The following ERGIC1 variants were observed in gnomAD, a reference collection of about 807,000 sequenced individuals.
ERGIC1 encodes the protein endoplasmic reticulum-golgi intermediate compartment 1.
ERGIC1 carries 19 observed loss-of-function variants against 38.3 expected under a neutral mutation model. The observed-to-expected ratio is 0.50, with a 90% confidence interval of 0.35 to 0.73. The LOEUF is 0.73. Among genes scored for constraint, ERGIC1 ranks in the 30% least tolerant of loss-of-function variants. The pLI, the probability that ERGIC1 is intolerant of heterozygous loss-of-function variation, is 0.01. For synonymous variants in ERGIC1, 124 were observed against 157.6 expected (o/e 0.79, Z 1.60); for missense variants, 294 against 389.2 (o/e 0.76, Z 2.06).
At chr5:172,925,434 C>T (rs180982267) in intron 6 of ERGIC1, among the ~76,000 whole-genome samples, 13 of 152,196 alleles carry the variant, frequency 8.5e-5, no homozygotes, top group Admixed American at 7.9e-4. Context: ...TGAGAAATTG[C>T]AGTTCCTTCC....
chr5:172,878,807 C>T (rs796380086), intron 1 of ERGIC1, among the ~76,000 whole-genome samples: 8 of 152,248 alleles, frequency 5.3e-5, no homozygotes, highest in African/African-American at 1.9e-4. Flanking sequence ...CACACATACA[C>T]GCATGCACAC....
At position 172,909,666 on chromosome 5, in the gene ERGIC1, G is replaced by A; in HGVS notation, c.156-1G>A. The A allele has an allele frequency of 6.2e-7, 1 of 1,614,126 alleles. No individual in the cohort carries two copies. On this transcript the variant is annotated splice_acceptor_variant, in intron 3 of 9. Coordinates refer to ENST00000393784, the MANE Select transcript of ERGIC1 (RefSeq NM_001031711.3). LOFTEE classifies it high-confidence loss of function. ...GGTTCCTATACTTGTCTTTCCCCTA[G>A]TGTGAACGAGCTCTATGTCGATGAC...
chr5:172,903,294 A>G (rs1382296941), intron 3 of ERGIC1, among the ~76,000 whole-genome samples: 1 of 151,866 alleles, frequency 6.6e-6, no homozygotes, highest in African/African-American at 2.4e-5. Flanking sequence ...ACCCCTAAGC[A>G]CCCCTGTACC....
intron 1 of ERGIC1, among the ~76,000 whole-genome samples, chr5:172,883,605 G>A (rs997666102): frequency 4.6e-5 from 7 of 152,172 alleles, no homozygotes; most frequent in Non-Finnish European, 5.9e-5. Context: ...GTGGTGCTGT[G>A]CCCTCCTCAG....
intron 6 of ERGIC1, among the ~76,000 whole-genome samples, chr5:172,925,677 C>T (rs1318261043): frequency 1.3e-5 from 2 of 152,282 alleles, no homozygotes; most frequent in East Asian, 1.9e-4. Flanking sequence ...CATACTTAAG[C>T]CTTTGTACAT....
chr5:172,844,973 T>A (rs1761249038), intron 1 of ERGIC1, among the ~76,000 whole-genome samples: 1 of 152,148 alleles, frequency 6.6e-6, no homozygotes, highest in Non-Finnish European at 1.5e-5. Context: ...TTGGATTCCC[T>A]CAGTGCATCC....
intron 3 of ERGIC1, among the ~76,000 whole-genome samples, chr5:172,902,285 C>T (rs541496067): frequency 6.6e-6 from 1 of 152,204 alleles, no homozygotes; most frequent in East Asian, 1.9e-4. Flanking sequence ...ACAGGCTCCC[C>T]GTAGGAGGCC....
intron 1 of ERGIC1, among the ~76,000 whole-genome samples, chr5:172,839,117 T>C (rs940876955): frequency 6.6e-6 from 1 of 151,552 alleles, no homozygotes; most frequent in Admixed American, 6.6e-5. Flanking sequence ...GGTACATACC[T>C]GTAATCCCAG....
chr5:172,872,332 T>C (rs1423498953), intron 1 of ERGIC1, among the ~76,000 whole-genome samples: 1 of 152,212 alleles, frequency 6.6e-6, no homozygotes, highest in Non-Finnish European at 1.5e-5. Flanking sequence ...ATACCTTGAA[T>C]GGTTTTGAGG....
At chr5:172,845,162 T>C (rs921671731) in intron 1 of ERGIC1, among the ~76,000 whole-genome samples, 4 of 151,480 alleles carry the variant, frequency 2.6e-5, no homozygotes, top group Non-Finnish European at 5.9e-5. Flanking sequence ...AGGAGGGGAG[T>C]GTTGTTACCC....
chr5:172,893,905 A>ATATGTG (rs1173039695), intron 2 of ERGIC1, among the ~76,000 whole-genome samples: 30 of 15,520 alleles, frequency 1.9e-3, no homozygotes, highest in South Asian at 5.6e-3. Context: ...ATATATATAT[A>ATATGTG]TGTGTGTGTG....
In ERGIC1 at chr5:172,949,052, C is replaced by A. The variant is rs144429881; in HGVS notation, c.766-1657C>A. 3.4e-3 allele frequency among the ~76,000 whole-genome samples: 522 copies of A among 152,280 alleles called. 2 individuals are homozygous for A. The highest frequency in any genetic ancestry group is 0.012 in the African/African-American group (500 of 41,544). On this transcript the variant is annotated intron_variant, in intron 9 of 9. Transcript: ENST00000393784. Reference sequence around the variant, plus strand: ...TGGGTGACAGAGTGAGACCCTGTCCCTACAAATAAGTTTCCTTGCAAACCT... The same window carrying A: ...TGGGTGACAGAGTGAGACCCTGTCCATACAAATAAGTTTCCTTGCAAACCT...
intron 9 of ERGIC1, among the ~76,000 whole-genome samples, chr5:172,938,200 C>G (rs1438378841): frequency 6.6e-6 from 1 of 152,170 alleles, no homozygotes; most frequent in African/African-American, 2.4e-5. Context: ...TAGCACACCC[C>G]AAGTGGGTCT....
chr5:172,946,205 G>A (rs1405664915), intron 9 of ERGIC1, among the ~76,000 whole-genome samples: 2 of 152,180 alleles, frequency 1.3e-5, no homozygotes, highest in South Asian at 2.1e-4. Context: ...GGACTCCCCT[G>A]GAGAGGCCCA....
chr5:172,888,662 G>T (rs746692538), intron 1 of ERGIC1, 37 bp from the exon 2 acceptor site: 6 of 1,587,408 alleles, frequency 3.8e-6, no homozygotes, highest in African/African-American at 1.3e-5. Flanking sequence ...CCCACCCTTT[G>T]TGCCCACCTC....
chr5:172,867,284 G>A (rs1369681842), intron 1 of ERGIC1: 7 of 424,926 alleles, frequency 1.6e-5, no homozygotes, highest in Non-Finnish European at 3.4e-5. Context: ...GTACAGGCGG[G>A]GGTGGTGGAC....
At chr5:172,913,247 G>A (rs1158837597) in intron 4 of ERGIC1, among the ~76,000 whole-genome samples, 1 of 152,258 alleles carries the variant, frequency 6.6e-6, no homozygotes, top group Admixed American at 6.5e-5. Flanking sequence ...GCACTGGGAA[G>A]AGGGCTGTTC....
At position 172,854,896 on chromosome 5, in the gene ERGIC1, A is replaced by C. The variant is rs557811044; in HGVS notation, c.20+20463A>C. Among the ~76,000 whole-genome samples the C allele has an allele frequency of 3.0e-4, 45 of 152,344 alleles. No individual in the cohort carries two copies. In the South Asian group the frequency reaches 9.3e-3, roughly 32 times the overall value. ...AGGAACTTAAGTCTTGTTTATATCC[A>C]TTAGCCTGTGGGGAAATTGTTTTTC... On this transcript the variant is annotated intron_variant, in intron 1 of 9. Transcript: ENST00000393784.
intron 9 of ERGIC1, 171 bp downstream of exon 9, chr5:172,935,481 T>A: frequency 2.5e-6 from 2 of 792,148 alleles, no homozygotes; most frequent in Non-Finnish European, 3.9e-6. Flanking sequence ...CTGAGAAATG[T>A]TGTCAGAAAC....
Sources: allele counts gnomAD v4.1 joint callset (sites outside exome capture counted in the v4.1 genomes callset), GRCh38; gene constraint gnomAD v4.1.1; transcripts MANE v1.5; gene names NCBI Gene and HGNC (gene_info 2026-07-23, HGNC 2026-07-21).